Variants in SLC22A9 observed in about 807,000 individuals in gnomAD.
SLC22A9 encodes the protein organic anion transporter 7.
Under a neutral mutation model 50.1 loss-of-function variants are expected in SLC22A9, and 64 were observed. The observed-to-expected ratio is 1.28, with a 90% confidence interval of 1.04 to 1.57. SLC22A9 has a LOEUF of 1.57. Ranked by LOEUF, SLC22A9 falls within the 40% of genes most tolerant of loss-of-function variation. SLC22A9 has a pLI of 0.00. For missense variants in SLC22A9, 757 were observed against 676.1 expected, an observed-to-expected ratio of 1.12 and a Z score of -1.33; for synonymous variants, 261 against 242.5, an observed-to-expected ratio of 1.08 and a Z score of -0.71.
chr11:63,394,540 T>C (rs1184487196), intron 6 of SLC22A9, among the ~76,000 whole-genome samples: 1 of 152,208 alleles, frequency 6.6e-6, no homozygotes, highest in Admixed American at 6.5e-5. Context: ...TTGAGGAGGC[T>C]GAAGATAGGA....
chr11:63,386,434 CTTTTTTTTTTTTTTTTT>C (rs71065364), intron 6 of SLC22A9, among the ~76,000 whole-genome samples: 8 of 33,494 alleles, frequency 2.4e-4, no homozygotes, highest in South Asian at 1.4e-3. Context: ...TGGACCTGGA[CTTTTTTTTTTTTTTTTT>C]TTTTTTTTTT....
chr11:63,398,825 C>T (rs1290175077), intron 6 of SLC22A9, among the ~76,000 whole-genome samples: 2 of 152,132 alleles, frequency 1.3e-5, no homozygotes, highest in Non-Finnish European at 2.9e-5. Context: ...ATGAAGCTGC[C>T]TTTTGTGTGT....
chr11:63,397,765 T>C (rs1436632766), intron 6 of SLC22A9, among the ~76,000 whole-genome samples: 1 of 152,092 alleles, frequency 6.6e-6, no homozygotes, highest in Admixed American at 6.5e-5. Flanking sequence ...GCCTGAGAAT[T>C]ACCTTTCAGG....
chr11:63,404,309 A>G (rs1323209107), intron 6 of SLC22A9, among the ~76,000 whole-genome samples: 1 of 152,136 alleles, frequency 6.6e-6, no homozygotes, highest in Non-Finnish European at 1.5e-5. Context: ...TTTCAGGGAC[A>G]GCGGACAGAG....
Position 63,374,079 on chromosome 11 carries a change from TC to T in SLC22A9, c.830+18del. ...GACCTCAAGGTATGAGTTTGTTTCT[TC>T]TTTTGTCTTAATGAGATATTGGAAT... On this transcript the variant is annotated intron_variant, in intron 4 of 9. Transcript: ENST00000279178. 1 of 1,591,776 alleles carries T rather than the reference TC, an allele frequency of 6.3e-7. No individual in the cohort carries two copies. The highest frequency in any genetic ancestry group is 1.1e-5 in the South Asian group (1 of 87,098).
At chr11:63,376,738 A>G (rs1479073312) in intron 5 of SLC22A9, among the ~76,000 whole-genome samples, 1 of 152,036 alleles carries the variant, frequency 6.6e-6, no homozygotes, top group Admixed American at 6.6e-5. Flanking sequence ...CATCACACTT[A>G]AAAGACACAG....
At chr11:63,407,560 T>C (rs1272494209) in intron 7 of SLC22A9, among the ~76,000 whole-genome samples, 1 of 152,162 alleles carries the variant, frequency 6.6e-6, no homozygotes, top group East Asian at 1.9e-4. Context: ...CTTTCCAAAG[T>C]CTGACTTTTT....
At chr11:63,377,827 G>C (rs1026610012) in intron 5 of SLC22A9, among the ~76,000 whole-genome samples, 1 of 152,006 alleles carries the variant, frequency 6.6e-6, no homozygotes, top group Non-Finnish European at 1.5e-5. Flanking sequence ...AAAAAAGAGA[G>C]CGGATTCAAA....
chr11:63,385,804 G>A (rs531352660), intron 6 of SLC22A9, among the ~76,000 whole-genome samples: 7 of 151,512 alleles, frequency 4.6e-5, no homozygotes, highest in South Asian at 4.2e-4. Flanking sequence ...TTTCCTGATC[G>A]CCCTGGCCAG....
Position 63,370,417 on chromosome 11 carries a change from G to C in SLC22A9, c.361G>C (p.Val121Leu), listed in dbSNP as rs1212319304. 1 of 1,606,846 alleles carries C rather than the reference G, an allele frequency of 6.2e-7. No homozygotes were observed. Among genetic ancestry groups the C allele is most frequent in the Admixed American group, 1.7e-5 (1 of 59,084 alleles). ...CATGGAGCCCTGTGTGGATGGCTGG[G>C]TGTATGACAGAATCTCCTTCTCATC... ...ADMEPCVDGW[V>L]YDRISFSSTI... The change falls in exon 1 of 10, where the codon GTG (valine) becomes CTG (leucine). Residue 121 changes from valine (V) to leucine (L), a missense_variant. Transcript: ENST00000279178.
chr11:63,377,048 C>T (rs1019243552), intron 5 of SLC22A9, among the ~76,000 whole-genome samples: 10 of 152,034 alleles, frequency 6.6e-5, no homozygotes, highest in South Asian at 2.1e-4. Context: ...ATTCATACAA[C>T]GAGTTCTTAG....
intron 5 of SLC22A9, 141 bp from the exon 6 acceptor site, chr11:63,382,018 T>A: frequency 1.6e-6 from 1 of 625,134 alleles, no homozygotes; most frequent in East Asian, 2.6e-5. Flanking sequence ...TTTACACATA[T>A]CATTGCATTT....
At chr11:63,402,943 C>A (rs1361644974) in intron 6 of SLC22A9, among the ~76,000 whole-genome samples, 1 of 152,120 alleles carries the variant, frequency 6.6e-6, no homozygotes, top group Non-Finnish European at 1.5e-5. Flanking sequence ...TATACATGCT[C>A]ATCAACTTTT....
intron 6 of SLC22A9, among the ~76,000 whole-genome samples, chr11:63,388,332 G>A (rs560636382): frequency 2.0e-5 from 3 of 151,104 alleles, no homozygotes; most frequent in Non-Finnish European, 4.4e-5. Flanking sequence ...TCATGTTGAG[G>A]TATGTTCTTC....
In SLC22A9 at chr11:63,370,495, C is replaced by T. The variant is rs2014335669; in HGVS notation, c.402+37C>T. Reference sequence around the variant, plus strand: ...TGTTCTCGTCTCATGAGTATGTGACCTGGGTGTTTAGAATAACACAAGTAA... The same window carrying T: ...TGTTCTCGTCTCATGAGTATGTGACTTGGGTGTTTAGAATAACACAAGTAA... On this transcript the variant is annotated intron_variant, in intron 1 of 9. Coordinates refer to ENST00000279178, the MANE Select transcript of SLC22A9 (RefSeq NM_080866.3). 3 of 1,523,504 alleles carry T rather than the reference C, an allele frequency of 2.0e-6. No homozygotes were observed. In the Admixed American group the frequency reaches 6.6e-5, roughly 34 times the overall value. 94.4% of individuals were successfully genotyped at this position (1,523,504 alleles called of 1,614,324 possible).
chr11:63,374,047 T>C lies in SLC22A9; in HGVS notation c.815T>C (p.Ile272Thr). 1 of 1,610,242 alleles carries C rather than the reference T, an allele frequency of 6.2e-7. No individual in the cohort carries two copies. The highest frequency in any genetic ancestry group is 8.5e-7 in the Non-Finnish European group (1 of 1,178,698). Residue 272 changes from isoleucine to threonine, a missense_variant, in exon 4 of 10, where the codon ATC becomes ACC. Coordinates refer to ENST00000279178, the MANE Select transcript of SLC22A9 (RefSeq NM_080866.3). ...GTGGTGTCTGTACCATACTTTGTGATCTTTCTGACCTCAAGGTATGAGTTT... is the reference window on the plus strand; with the variant it reads ...GTGGTGTCTGTACCATACTTTGTGACCTTTCTGACCTCAAGGTATGAGTTT... Reference protein sequence around the residue: ...QLVVSVPYFVIFLTSSWLLES... With the variant: ...QLVVSVPYFVTFLTSSWLLES...
chr11:63,372,425 A>G (rs1177396365), intron 2 of SLC22A9, among the ~76,000 whole-genome samples: 1 of 152,190 alleles, frequency 6.6e-6, no homozygotes, highest in Admixed American at 6.6e-5. Context: ...TGTCTGCAAT[A>G]AGGTGAATTA....
chr11:63,398,286 C>T (rs555858734), intron 6 of SLC22A9, among the ~76,000 whole-genome samples: 27 of 152,256 alleles, frequency 1.8e-4, no homozygotes, highest in Admixed American at 9.8e-4. Flanking sequence ...CTCTCCTCTC[C>T]TCAAGTCAAA....
chr11:63,378,320 C>G (rs1170299290), intron 5 of SLC22A9, among the ~76,000 whole-genome samples: 1 of 151,900 alleles, frequency 6.6e-6, no homozygotes, highest in Non-Finnish European at 1.5e-5. Flanking sequence ...TAATAAAATT[C>G]AACATCGTTC....
Sources: gnomAD v4.1 joint callset for allele counts (sites outside exome capture counted in the v4.1 genomes callset) on GRCh38, gnomAD v4.1.1 for gene constraint, MANE v1.5 for transcripts, NCBI Gene and HGNC (gene_info 2026-07-23, HGNC 2026-07-21) for gene names.